CSMD1: variants seen among roughly 807,000 people sequenced by gnomAD.
The protein encoded by CSMD1 is CUB and Sushi multiple domains 1, also known as CUB and sushi domain-containing protein 1.
In CSMD1, 213 loss-of-function variants were observed where a neutral mutation model predicts 417.5. That is an observed-to-expected ratio of 0.51 (90% CI 0.46 to 0.57). CSMD1 has a LOEUF of 0.57. CSMD1 is among the 20% of genes least tolerant of loss of function. The pLI is 0.00. For synonymous variants in CSMD1, 2,862 were observed against 1,736.8 expected (o/e 1.65, Z -16.11); for missense variants, 6,923 against 4,529.7 (o/e 1.53, Z -15.17).
intron 1 of CSMD1, among the ~76,000 whole-genome samples, chr8:4,784,607 T>C (rs1797307575): frequency 1.3e-5 from 2 of 152,236 alleles, no homozygotes; most frequent in Non-Finnish European, 2.9e-5. Flanking sequence ...CTGTTAAATT[T>C]CTTTTTTCAC....
At chr8:3,829,669 C>G (rs537228218) in intron 5 of CSMD1, among the ~76,000 whole-genome samples, 9 of 152,136 alleles carry the variant, frequency 5.9e-5, no homozygotes, top group Non-Finnish European at 1.3e-4. Flanking sequence ...ATGCAAATGT[C>G]CTCGTATCTT....
intron 54 of CSMD1, 73 bp downstream of exon 54, chr8:2,997,938 G>C: frequency 2.8e-6 from 4 of 1,405,918 alleles, no homozygotes; most frequent in Non-Finnish European, 3.9e-6. Flanking sequence ...ATGGAGACAG[G>C]CTCTTGATGG....
At chr8:3,234,603 C>G (rs1250070913) in intron 26 of CSMD1, among the ~76,000 whole-genome samples, 1 of 152,190 alleles carries the variant, frequency 6.6e-6, no homozygotes, top group Admixed American at 6.5e-5. Flanking sequence ...TTCCTCCCAT[C>G]AGCTGCAAAG....
chr8:4,872,545 G>C (rs1367754258), intron 1 of CSMD1, among the ~76,000 whole-genome samples: 1 of 151,942 alleles, frequency 6.6e-6, no homozygotes, highest in African/African-American at 2.4e-5. Flanking sequence ...GTTTCCTGAG[G>C]CTTCCCCAAC....
Position 3,701,404 on chromosome 8 carries a change from G to A in CSMD1, c.1009+7010C>T, listed in dbSNP as rs564398990. ...CAGATCCCAGAGAGAGAACAGTTGC[G>A]AAAGTCTGTCCCCGGGCTGAACCGA... On this transcript the variant is annotated intron_variant, in intron 7 of 69. Coordinates refer to ENST00000635120, the MANE Select transcript of CSMD1 (RefSeq NM_033225.6). Among the ~76,000 whole-genome samples, 228 of 152,174 alleles carry A rather than the reference G, an allele frequency of 1.5e-3. 2 individuals carry two copies. The highest frequency in any genetic ancestry group is 5.3e-3 in the African/African-American group (219 of 41,520).
intron 3 of CSMD1, among the ~76,000 whole-genome samples, chr8:4,152,607 T>G (rs572460177): frequency 6.6e-6 from 1 of 152,096 alleles, no homozygotes; most frequent in South Asian, 2.1e-4. Context: ...GGAAGATCGT[T>G]TGAGCCTAGG....
chr8:3,287,277 T>C (rs1393565650), intron 25 of CSMD1, among the ~76,000 whole-genome samples: 4 of 151,532 alleles, frequency 2.6e-5, no homozygotes, highest in African/African-American at 4.8e-5. Flanking sequence ...ATTGACTTGG[T>C]GATTCGGGCT....
chr8:4,156,606 A>G (rs376070640), intron 3 of CSMD1, among the ~76,000 whole-genome samples: 7 of 152,166 alleles, frequency 4.6e-5, no homozygotes, highest in African/African-American at 7.2e-5. Flanking sequence ...GACAATATTA[A>G]AAACAATGGG....
chr8:4,081,754 A>G (rs1245064288), intron 3 of CSMD1, among the ~76,000 whole-genome samples: 1 of 152,236 alleles, frequency 6.6e-6, no homozygotes, highest in Non-Finnish European at 1.5e-5. Context: ...AGTATTTTTT[A>G]AAGACCCCAA....
At chr8:2,939,171 T>C (rs529065823) in intron 69 of CSMD1, among the ~76,000 whole-genome samples, 3 of 152,236 alleles carry the variant, frequency 2.0e-5, no homozygotes, top group East Asian at 1.9e-4. Flanking sequence ...CTGAATCGGA[T>C]TGGTTTTGTT....
intron 2 of CSMD1, among the ~76,000 whole-genome samples, chr8:4,605,308 A>G (rs1367404678): frequency 6.6e-6 from 1 of 152,118 alleles, no homozygotes; most frequent in African/African-American, 2.4e-5. Flanking sequence ...AAATTTTCAC[A>G]GGGTGGGTTC....
At position 3,369,301 on chromosome 8, in the gene CSMD1, G is replaced by A; in HGVS notation, c.2852C>T (p.Pro951Leu). Reference sequence around the variant, plus strand: ...GGTCCACGTGCAGTTTAGAGAGTTTGGATAAAAATCTGGAAACCCAGGAGA... The same window carrying A: ...GGTCCACGTGCAGTTTAGAGAGTTTAGATAAAAATCTGGAAACCCAGGAGA... ...VLSPGFPDFY[P>L]NSLNCTWTIE... The change falls in exon 19 of 70, where the codon CCA becomes CTA. Residue 951 changes from proline to leucine, a missense_variant. Transcript: ENST00000635120. 1 of 1,607,142 alleles carries A rather than the reference G, an allele frequency of 6.2e-7. No homozygotes were observed. The highest frequency in any genetic ancestry group is 1.3e-5 in the African/African-American group (1 of 74,828).
chr8:4,156,819 A>C (rs1031719753), intron 3 of CSMD1, among the ~76,000 whole-genome samples: 2 of 152,124 alleles, frequency 1.3e-5, no homozygotes. Context: ...AGCGAGCAGC[A>C]AGTACTATGA....
intron 7 of CSMD1, among the ~76,000 whole-genome samples, chr8:3,675,737 G>C (rs1286847320): frequency 6.6e-6 from 1 of 151,996 alleles, no homozygotes; most frequent in East Asian, 1.9e-4. Flanking sequence ...CTTGATCTTG[G>C]ACTTCCAGTC....
intron 8 of CSMD1, among the ~76,000 whole-genome samples, chr8:3,598,901 T>C (rs1457199487): frequency 6.6e-6 from 1 of 152,002 alleles, no homozygotes; most frequent in East Asian, 1.9e-4. Context: ...ACCAACATAA[T>C]GAAACCCCAT....
At chr8:4,152,389 C>G (rs1355089470) in intron 3 of CSMD1, among the ~76,000 whole-genome samples, 4 of 152,096 alleles carry the variant, frequency 2.6e-5, no homozygotes, top group African/African-American at 9.7e-5. Flanking sequence ...TTTAAAATCC[C>G]TTACTTAGGC....
intron 1 of CSMD1, among the ~76,000 whole-genome samples, chr8:4,715,991 T>G (rs1019628658): frequency 2.6e-5 from 4 of 152,200 alleles, no homozygotes; most frequent in African/African-American, 9.7e-5. Context: ...GCTTAAATCT[T>G]ACCAGTGGTC....
At chr8:4,971,902 G>A (rs1472044841) in intron 1 of CSMD1, among the ~76,000 whole-genome samples, 2 of 152,048 alleles carry the variant, frequency 1.3e-5, no homozygotes, top group African/African-American at 2.4e-5. Flanking sequence ...AGTAGGTGAT[G>A]ACTTAGGACA....
chr8:2,962,504 G>C lies in CSMD1; in HGVS notation c.9590C>G (p.Ala3197Gly). 6.2e-7 allele frequency: 1 copy of C among 1,613,908 alleles called. No homozygotes were observed. The highest frequency in any genetic ancestry group is 8.5e-7 in the Non-Finnish European group (1 of 1,179,840). ...TTGTATGCCGCTCCACGTGCCGTCAGCTTGGCAGACTCTTCTGGAGGATCC... is the reference window on the plus strand; with the variant it reads ...TTGTATGCCGCTCCACGTGCCGTCACCTTGGCAGACTCTTCTGGAGGATCC... ...LVGSSRRVCQ[A>G]DGTWSGIQPT... Residue 3197 changes from alanine to glycine, a missense_variant, in exon 61 of 70, where the codon GCT becomes GGT. By Grantham distance (60) the Ala-to-Gly change is moderately conservative. Transcript: ENST00000635120.
Sources: allele counts gnomAD v4.1 joint callset (sites outside exome capture counted in the v4.1 genomes callset), GRCh38; gene constraint gnomAD v4.1.1; transcripts MANE v1.5; gene names NCBI Gene and HGNC (gene_info 2026-07-23, HGNC 2026-07-21).